The following DIXDC1 variants were observed in gnomAD, a reference collection of about 807,000 sequenced individuals.
The protein encoded by DIXDC1 is dixin.
Under a neutral mutation model 103.1 loss-of-function variants are expected in DIXDC1, and 64 were observed. The observed-to-expected ratio is 0.62, with a 90% CI of 0.51 to 0.76. The LOEUF (loss-of-function observed/expected upper bound fraction) is 0.76, where lower values mean the gene tolerates loss of function less well. Among genes scored for constraint, DIXDC1 ranks in the 30% least tolerant of loss-of-function variants. The pLI is 0.00. For synonymous variants in DIXDC1, 266 were observed against 298.5 expected, an observed-to-expected ratio of 0.89 and a Z score of 1.12; for missense variants, 759 against 834.2, an observed-to-expected ratio of 0.91 and a Z score of 1.11.
chr11:111,995,571 C>G lies in DIXDC1; in HGVS notation c.1689+7C>G, dbSNP rs782605069. The G allele has an allele frequency of 6.2e-7, 1 of 1,613,592 alleles. No individual in the cohort carries two copies. The highest frequency in any genetic ancestry group is 8.5e-7 in the Non-Finnish European group (1 of 1,179,848). On this transcript the variant is annotated splice_region_variant and intron_variant, in intron 16 of 19. Transcript: ENST00000440460. ...GAAGAAACAAGAAAGAAAGGTAACC[C>G]TCTTGCTGTGGTATCTCTCTTAGGC...
chr11:112,019,238 C>A lies in DIXDC1; in HGVS notation c.*202C>A. 2 of 448,870 alleles carry A rather than the reference C, an allele frequency of 4.5e-6. No homozygotes were observed. Among genetic ancestry groups the A allele is most frequent in the South Asian group, 7.4e-5 (2 of 26,850 alleles). The allele number at this position is 448,870 out of a possible 1,614,324, so 27.8% of individuals were successfully genotyped here. On this transcript the variant is annotated 3_prime_UTR_variant, in exon 20 of 20. Transcript: ENST00000440460. ...ACTTAAAATTCTGTCCAAATGTAGACCATGGGTTCATCTGGAGTTCCTTGT... is the reference window on the plus strand; with the variant it reads ...ACTTAAAATTCTGTCCAAATGTAGAACATGGGTTCATCTGGAGTTCCTTGT...
intron 17 of DIXDC1, among the ~76,000 whole-genome samples, chr11:112,002,260 GAA>G (rs58201567): frequency 0.021 from 2,876 of 136,760 alleles, 71 homozygotes; most frequent in African/African-American, 0.07. Context: ...GCAGGCATGT[GAA>G]AAAAAAAAAA....
At chr11:112,005,567 A>G (rs1434803188) in intron 17 of DIXDC1, among the ~76,000 whole-genome samples, 1 of 151,854 alleles carries the variant, frequency 6.6e-6, no homozygotes, top group African/African-American at 2.4e-5. Flanking sequence ...GTGTGGTGGC[A>G]TATGCCTGAA....
At chr11:111,972,985 G>A (rs1555172204) in intron 3 of DIXDC1, among the ~76,000 whole-genome samples, 2 of 151,448 alleles carry the variant, frequency 1.3e-5, no homozygotes, top group African/African-American at 4.9e-5. Context: ...CTTGAACCCA[G>A]GAGGCAGAGG....
intron 5 of DIXDC1, among the ~76,000 whole-genome samples, chr11:111,979,946 CCT>C (rs1302502078): frequency 1.3e-5 from 2 of 151,942 alleles, no homozygotes; most frequent in East Asian, 3.9e-4. Context: ...AGAGTGAGAC[CCT>C]GTCTCAAAAA....
rs1292384576 is a variant in DIXDC1, at chr11:111,958,731, G to A, written c.61-5818G>A. 3.9e-5 allele frequency among the ~76,000 whole-genome samples: 6 copies of A among 152,206 alleles called. No individual in the cohort carries two copies. The highest frequency in any genetic ancestry group is 8.8e-5 in the Non-Finnish European group (6 of 68,036). ...CAGGCTGCCAGCCCCGCAGACCGGA[G>A]TGGGAATTTATGGTGTTTTTTCCAG... On this transcript the variant is annotated intron_variant, in intron 1 of 19. Transcript: ENST00000440460. This position sits in a 1 kb window ranked among gnomAD's most constrained non-coding sequence, Gnocchi z 4.2.
chr11:111,964,229 TC>T (rs1555171274), intron 1 of DIXDC1, among the ~76,000 whole-genome samples: 1 of 152,198 alleles, frequency 6.6e-6, no homozygotes, highest in Non-Finnish European at 1.5e-5. Flanking sequence ...CAAGCCCTCA[TC>T]CCTGGTCAAC....
intron 10 of DIXDC1, among the ~76,000 whole-genome samples, chr11:111,991,773 G>C (rs1021545296): frequency 6.6e-6 from 1 of 152,186 alleles, no homozygotes; most frequent in Non-Finnish European, 1.5e-5. Flanking sequence ...ATGCTCAGTG[G>C]AAATATAATT....
At chr11:111,934,147 A>G (rs1348926808), upstream of DIXDC1, among the ~76,000 whole-genome samples, 1 of 152,192 alleles carries the variant, frequency 6.6e-6, no homozygotes, top group African/African-American at 2.4e-5. Context: ...TGGGTCTGTG[A>G]CAAATTACTT....
rs1861707070 is a variant in DIXDC1 at position 112,019,995 on chromosome 11, T to G, written c.*959T>G. ...TGATTTATAAGTACTGAGCATGAAG[T>G]ACTTGTCTGCCCCTCATTTCAAGGC... is the stretch of plus-strand genomic sequence containing the variant. On this transcript the variant is annotated 3_prime_UTR_variant, in exon 20 of 20. Coordinates refer to ENST00000440460, the MANE Select transcript of DIXDC1 (RefSeq NM_001037954.4). 6.6e-6 allele frequency: 1 copy of G among 152,248 alleles called. No individual in the cohort carries two copies. Among genetic ancestry groups the G allele is most frequent in the South Asian group, 2.1e-4 (1 of 4,832 alleles). 9.4% of individuals were successfully genotyped at this position (152,248 alleles called of 1,614,324 possible).
intron 8 of DIXDC1, among the ~76,000 whole-genome samples, chr11:111,986,070 C>T (rs1439368499): frequency 6.6e-6 from 1 of 152,192 alleles, no homozygotes; most frequent in Non-Finnish European, 1.5e-5. Flanking sequence ...TCCATTCTCA[C>T]AGCCACTTGA....
chr11:112,014,527 T>G (rs1861527932), intron 17 of DIXDC1, among the ~76,000 whole-genome samples: 1 of 152,234 alleles, frequency 6.6e-6, no homozygotes, highest in South Asian at 2.1e-4. Flanking sequence ...AAAAGGACTC[T>G]CCAACCATGG....
Position 111,974,327 on chromosome 11 carries a change from G to A in DIXDC1, c.548+73G>A, listed in dbSNP as rs1292374430. The A allele has an allele frequency of 4.9e-6, 7 of 1,426,296 alleles. No individual in the cohort carries two copies. In the African/African-American group the frequency reaches 7.1e-5, roughly 14 times the overall value. The allele number at this position is 1,426,296 out of a possible 1,614,324, so 88.4% of individuals were successfully genotyped here. A position where few individuals can be genotyped will look rare whatever the true frequency, so the allele number is the denominator to read the frequency against. ...TTCTTCTGTTAGATGATACAGTGCA[G>A]TAGATAGAAACGTCACCCAAACAGC... On this transcript the variant is annotated intron_variant, in intron 4 of 19. Transcript: ENST00000440460.
chr11:111,938,765 C>T (rs10891301), intron 1 of DIXDC1, among the ~76,000 whole-genome samples: 47,418 of 152,158 alleles, frequency 0.31, 8,434 homozygotes, highest in East Asian at 0.58. Context: ...AGCGTTGTTC[C>T]TAACACAGAG....
At chr11:111,937,139 G>GC, upstream of DIXDC1, 5 of 745,908 alleles carry the variant, frequency 6.7e-6, no homozygotes, top group Non-Finnish European at 8.2e-6. Flanking sequence ...GGCGGGGGGG[G>GC]GGTGTGCGCG....
At chr11:112,004,890 A>T (rs1555176436) in intron 17 of DIXDC1, among the ~76,000 whole-genome samples, 1 of 152,000 alleles carries the variant, frequency 6.6e-6, no homozygotes, top group African/African-American at 2.4e-5. Flanking sequence ...AAGAACAAAC[A>T]GTGTGCCCAT....
Position 111,976,344 on chromosome 11 carries a change from G to T in DIXDC1, c.656+1361G>T, listed in dbSNP as rs1860094926. 6.6e-6 allele frequency among the ~76,000 whole-genome samples: 1 copy of T among 152,170 alleles called. No individual in the cohort carries two copies. Among genetic ancestry groups the T allele is most frequent in the South Asian group, 2.1e-4 (1 of 4,824 alleles). ...ACTGAGGGGAGGGCTGTGAGACTGT[G>T]AATGTGTGAATGAGGGGCCCACCGG... On this transcript the variant is annotated intron_variant, in intron 5 of 19. Transcript: ENST00000440460. This position sits in a 1 kb window ranked among gnomAD's most constrained non-coding sequence, Gnocchi z 4.3.
upstream of DIXDC1, among the ~76,000 whole-genome samples, chr11:111,936,346 C>T (rs1966185546): frequency 6.6e-6 from 1 of 152,184 alleles, no homozygotes; most frequent in Non-Finnish European, 1.5e-5. Flanking sequence ...ATAATCAAGG[C>T]TATGACTTGA....
At chr11:111,938,352 G>A (rs1966293066) in intron 1 of DIXDC1, among the ~76,000 whole-genome samples, 1 of 152,170 alleles carries the variant, frequency 6.6e-6, no homozygotes, top group African/African-American at 2.4e-5. Flanking sequence ...TTCGACTGCA[G>A]CTAAGCCCTA....
Sources: gnomAD v4.1 joint callset for allele counts (sites outside exome capture counted in the v4.1 genomes callset) on GRCh38, gnomAD v4.1.1 for gene constraint, Gnocchi (gnomAD v3.1) non-coding constraint, MANE v1.5 for transcripts, NCBI Gene and HGNC (gene_info 2026-07-23, HGNC 2026-07-21) for gene names.